The following THRB variants were observed in gnomAD, a reference collection of about 807,000 sequenced individuals.
THRB encodes nuclear receptor subfamily 1 group A member 2.
A neutral mutation model predicts 47.8 loss-of-function variants in THRB; 12 were observed. The observed-to-expected ratio is 0.25, with a 90% CI of 0.16 to 0.41. THRB has a LOEUF of 0.41. Ranked by LOEUF, THRB falls within the 10% of genes least tolerant of loss-of-function variation. The pLI is 1.00. For missense variants in THRB, 348 were observed against 589.2 expected (o/e 0.59, Z 4.24); for synonymous variants, 218 against 212.2 (o/e 1.03, Z -0.24).
chr3:24,127,618 T>C lies in THRB; in HGVS notation c.1025A>G (p.Lys342Arg). ...TGACACCACCCCAAGACCCCCATTT[T>C]TCAGCTGGCCCCGTGTCACTGCCAT... is the stretch of plus-strand genomic sequence containing the variant. The part of the protein sequence containing the change: ...GEMAVTRGQL[K>R]NGGLGVVSDA... Residue 342 changes from lysine to arginine, a missense_variant, in exon 10 of 11, where the codon AAA (lysine) becomes AGA (arginine). By Grantham distance (26) the Lys-to-Arg change is conservative. Transcript: ENST00000646209. 1 of 1,614,202 alleles carries C rather than the reference T, an allele frequency of 6.2e-7. No homozygotes were observed. Among genetic ancestry groups the C allele is most frequent in the Non-Finnish European group, 8.5e-7 (1 of 1,180,032 alleles).
At chr3:24,427,125 A>C (rs1170079452) in intron 1 of THRB, among the ~76,000 whole-genome samples, 2 of 151,984 alleles carry the variant, frequency 1.3e-5, no homozygotes, top group Non-Finnish European at 2.9e-5. Flanking sequence ...ATGAGGCGCC[A>C]GATGGTTTCC....
At chr3:24,289,691 A>G (rs1441319072) in intron 3 of THRB, among the ~76,000 whole-genome samples, 1 of 152,238 alleles carries the variant, frequency 6.6e-6, no homozygotes, top group East Asian at 1.9e-4. Flanking sequence ...TGGTTAGTGG[A>G]TATTAATTGC....
Position 24,414,365 on chromosome 3 carries a change from G to A in THRB, c.-260-76994C>T, listed in dbSNP as rs147199109. ...GAAGCCCAAAGTTAATGGTAAGAAC[G>A]TATTTATTGGTTCTCCTTCCTGAGT... is the stretch of plus-strand genomic sequence containing the variant. On this transcript the variant is annotated intron_variant, in intron 1 of 10. Transcript: ENST00000646209. Among the ~76,000 whole-genome samples, 459 of 151,924 alleles carry A rather than the reference G, an allele frequency of 3.0e-3. 7 individuals are homozygous for A. The highest frequency in any genetic ancestry group is 4.8e-3 in the Admixed American group (73 of 15,248).
intron 1 of THRB, among the ~76,000 whole-genome samples, chr3:24,427,555 A>G (rs1490853032): frequency 6.6e-6 from 1 of 152,044 alleles, no homozygotes; most frequent in Non-Finnish European, 1.5e-5. Context: ...CATACAAATA[A>G]GCAGAAAATT....
At chr3:24,271,107 C>T (rs548192523) in intron 3 of THRB, among the ~76,000 whole-genome samples, 17 of 152,250 alleles carry the variant, frequency 1.1e-4, no homozygotes, top group Admixed American at 1.3e-4. Flanking sequence ...TGGATATTTT[C>T]GTTGAGGATA....
chr3:24,284,306 A>G (rs546750944), intron 3 of THRB, among the ~76,000 whole-genome samples: 3 of 151,900 alleles, frequency 2.0e-5, no homozygotes, highest in South Asian at 2.1e-4. Context: ...TCTTTGACAA[A>G]CCTGAGAAAA....
At chr3:24,162,725 G>A (rs2039060466) in intron 5 of THRB, among the ~76,000 whole-genome samples, 1 of 150,136 alleles carries the variant, frequency 6.7e-6, no homozygotes, top group African/African-American at 2.5e-5. Context: ...ACAATCCAAG[G>A]GAAACTAAAA....
At chr3:24,152,969 AAAAAGAAAGAAAGAAAGAAAG>A (rs1192960765) in intron 5 of THRB, among the ~76,000 whole-genome samples, 9 of 67,806 alleles carry the variant, frequency 1.3e-4, no homozygotes, top group African/African-American at 3.3e-4. Flanking sequence ...CCAAAAAAAA[AAAAAGAAAGAAAGAAAGAAAG>A]AAAGAAAGAA....
chr3:24,213,012 C>A (rs181698338), intron 4 of THRB, among the ~76,000 whole-genome samples: 79 of 152,292 alleles, frequency 5.2e-4, no homozygotes, highest in African/African-American at 1.9e-3. Flanking sequence ...GCGGAGTGAG[C>A]AACTCTGGCG....
chr3:24,487,935 A>G (rs941286684), intron 1 of THRB, among the ~76,000 whole-genome samples: 1 of 152,232 alleles, frequency 6.6e-6, no homozygotes, highest in Non-Finnish European at 1.5e-5. Flanking sequence ...GAATCCCAAG[A>G]GAAACAAATG....
At chr3:24,428,444 T>C (rs1233133018) in intron 1 of THRB, among the ~76,000 whole-genome samples, 1 of 152,060 alleles carries the variant, frequency 6.6e-6, no homozygotes, top group Non-Finnish European at 1.5e-5. Context: ...TTAGCCCCCA[T>C]TTGCCTTTTG....
chr3:24,237,068 T>G (rs2048946845), intron 3 of THRB, among the ~76,000 whole-genome samples: 1 of 152,198 alleles, frequency 6.6e-6, no homozygotes, highest in African/African-American at 2.4e-5. Context: ...GTAGTTAGAC[T>G]GGGCATGAGC....
intron 2 of THRB, among the ~76,000 whole-genome samples, chr3:24,299,761 G>T (rs1389047677): frequency 3.2e-4 from 35 of 107,872 alleles, no homozygotes; most frequent in African/African-American, 1.2e-3. Flanking sequence ...TTCTGGGGAA[G>T]TATGCTTTTT....
chr3:24,213,905 C>G (rs1468244061), intron 4 of THRB, among the ~76,000 whole-genome samples: 1 of 152,126 alleles, frequency 6.6e-6, no homozygotes, highest in African/African-American at 2.4e-5. Flanking sequence ...GCTTTTCTGG[C>G]AAGGTTGGTG....
chr3:24,472,653 CT>C (rs1443384598), intron 1 of THRB, among the ~76,000 whole-genome samples: 4 of 152,322 alleles, frequency 2.6e-5, no homozygotes, highest in Non-Finnish European at 2.9e-5. Context: ...CTTCACATCC[CT>C]AATTCCTGAG....
At chr3:24,138,883 G>A (rs1189946870) in intron 8 of THRB, among the ~76,000 whole-genome samples, 1 of 152,186 alleles carries the variant, frequency 6.6e-6, no homozygotes, top group Admixed American at 6.5e-5. Context: ...TACTTGGGTA[G>A]ACATTCACCC....
At chr3:24,415,978 GA>G (rs1188581402) in intron 1 of THRB, among the ~76,000 whole-genome samples, 1 of 151,744 alleles carries the variant, frequency 6.6e-6, no homozygotes, top group Non-Finnish European at 1.5e-5. Context: ...CAACAAGTAT[GA>G]ATATGTATTC....
At chr3:24,402,728 T>A (rs2067518169) in intron 1 of THRB, among the ~76,000 whole-genome samples, 1 of 151,962 alleles carries the variant, frequency 6.6e-6, no homozygotes, top group African/African-American at 2.4e-5. Flanking sequence ...TTATCCAGGT[T>A]CTCAGTTTTA....
chr3:24,342,812 G>T (rs187036396), intron 1 of THRB, among the ~76,000 whole-genome samples: 1 of 152,296 alleles, frequency 6.6e-6, no homozygotes, highest in East Asian at 1.9e-4. Context: ...CCAACTAGGT[G>T]GAAATGAGGG....
Sources: allele counts gnomAD v4.1 joint callset (sites outside exome capture counted in the v4.1 genomes callset), GRCh38; gene constraint gnomAD v4.1.1; transcripts MANE v1.5; gene names NCBI Gene and HGNC (gene_info 2026-07-23, HGNC 2026-07-21).